CSPP1: variants seen among roughly 807,000 people sequenced by gnomAD.
CSPP1 encodes centrosome and spindle pole associated protein 1.
In CSPP1, 126 loss-of-function variants were observed where a neutral mutation model predicts 164.4. The observed-to-expected ratio is 0.77, with a 90% CI of 0.66 to 0.89. The LOEUF is 0.89. CSPP1 is among the 40% of genes least tolerant of loss of function. CSPP1 has a pLI of 0.00. For synonymous variants in CSPP1, 472 were observed against 476.7 expected, an observed-to-expected ratio of 0.99 and a Z score of 0.13; for missense variants, 1,395 against 1,449.8, an observed-to-expected ratio of 0.96 and a Z score of 0.61.
At chr8:67,153,916 C>CTT in intron 18 of CSPP1, 108 bp from the exon 19 acceptor site, 78 of 456,976 alleles carry the variant, frequency 1.7e-4, no homozygotes, top group Middle Eastern at 5.5e-4. Context: ...AATCTTTGGA[C>CTT]TTTTTTTTTT....
chr8:67,159,163 C>A (rs769110347), intron 21 of CSPP1, 26 bp downstream of exon 21: 1 of 1,585,470 alleles, frequency 6.3e-7, no homozygotes, highest in South Asian at 1.2e-5. Context: ...AAATGTCAAT[C>A]AAACCCATAG....
At chr8:67,159,238 C>A in intron 21 of CSPP1, 101 bp downstream of exon 21, 4 of 1,076,206 alleles carry the variant, frequency 3.7e-6, no homozygotes, top group Non-Finnish European at 5.4e-6. Context: ...GGAGGAGGTG[C>A]TTTTGTTCCT....
At chr8:67,113,927 G>A in intron 11 of CSPP1, 65 bp downstream of exon 11, 2 of 923,548 alleles carry the variant, frequency 2.2e-6, no homozygotes. Flanking sequence ...TGTGGTGGCA[G>A]GTGGGGATAG....
intron 4 of CSPP1, among the ~76,000 whole-genome samples, chr8:67,088,266 G>GT (rs1810820322): frequency 6.6e-6 from 1 of 151,888 alleles, no homozygotes; most frequent in Non-Finnish European, 1.5e-5. Flanking sequence ...ATGTGAAGGA[G>GT]TTTTTTAAGA....
intron 13 of CSPP1, among the ~76,000 whole-genome samples, 170 bp downstream of exon 13, chr8:67,116,292 AAAG>A (rs1345477044): frequency 2.0e-5 from 3 of 152,240 alleles, no homozygotes; most frequent in Non-Finnish European, 4.4e-5. Flanking sequence ...TATTATAAAA[AAAG>A]GGAAATTCTT....
At chr8:67,165,931 A>G (rs1041392031) in intron 24 of CSPP1, among the ~76,000 whole-genome samples, 1 of 152,240 alleles carries the variant, frequency 6.6e-6, no homozygotes, top group East Asian at 1.9e-4. Flanking sequence ...GAATTCTTCC[A>G]TAAGAAAGAC....
At chr8:67,140,637 G>A (rs1468357643) in intron 17 of CSPP1, among the ~76,000 whole-genome samples, 4 of 152,192 alleles carry the variant, frequency 2.6e-5, no homozygotes, top group Admixed American at 6.5e-5. Context: ...TAAACTACAG[G>A]TATTAAAGTG....
chr8:67,159,971 C>CTT lies in CSPP1; in HGVS notation c.2538+837_2538+838dup, dbSNP rs759945793. 4.0e-4 allele frequency among the ~76,000 whole-genome samples: 21 copies of CTT among 52,006 alleles called. 3 individuals carry two copies. Among genetic ancestry groups the CTT allele is most frequent in the Non-Finnish European group, 1.8e-4 (6 of 32,518 alleles). 34.1% of individuals were successfully genotyped at this position (52,006 alleles called of 152,430 possible). On this transcript the variant is annotated intron_variant, in intron 21 of 30. Coordinates refer to ENST00000678616, the MANE Select transcript of CSPP1 (RefSeq NM_001382391.1). ...CTTCCTTCCTTCTTTCTTTTCTTTTCTTTTCTTTTCTTTTCTTTTCTTTTC... is the reference window on the plus strand; with the variant it reads ...CTTCCTTCCTTCTTTCTTTTCTTTTCTTTTTTCTTTTCTTTTCTTTTCTTTTC...
chr8:67,070,462 C>CA (rs1211009546), intron 1 of CSPP1, among the ~76,000 whole-genome samples: 9,067 of 79,552 alleles, frequency 0.11, 736 homozygotes, highest in African/African-American at 0.27. Flanking sequence ...GACTCCATCT[C>CA]AAAAAAAAAA....
At chr8:67,072,095 C>T (rs1219619737) in intron 1 of CSPP1, among the ~76,000 whole-genome samples, 1 of 151,896 alleles carries the variant, frequency 6.6e-6, no homozygotes, top group Non-Finnish European at 1.5e-5. Context: ...ATCTTGAGAC[C>T]ATCCTGGCTA....
chr8:67,152,655 A>T (rs1296441985), intron 18 of CSPP1, among the ~76,000 whole-genome samples: 1 of 152,202 alleles, frequency 6.6e-6, no homozygotes, highest in Non-Finnish European at 1.5e-5. Flanking sequence ...ATGCTACTCA[A>T]GTTTGTTTTG....
chr8:67,149,834 A>T lies in CSPP1; in HGVS notation c.2027A>T (p.Asp676Val). Residue 676 changes from aspartate (D) to valine (V), a missense_variant, in exon 18 of 31, where the codon GAT becomes GTT. Transcript: ENST00000678616. ...RQNIDAYHNP[D>V]ARTYEDKRAV... ...AATATAGATGCCTACCATAACCCAG[A>T]TGCAAGAACATATGAAGATAAAAGG... 1 of 1,605,352 alleles carries T rather than the reference A, an allele frequency of 6.2e-7. No homozygotes were observed. The highest frequency in any genetic ancestry group is 2.3e-5 in the East Asian group (1 of 44,378).
chr8:67,195,287 C>CTGAG (rs966280866), intron 30 of CSPP1, 95 bp from the exon 31 acceptor site: 15 of 804,710 alleles, frequency 1.9e-5, no homozygotes, highest in South Asian at 1.1e-4. Flanking sequence ...TGGGGAAATG[C>CTGAG]TGAGTTGTAA....
intron 4 of CSPP1, among the ~76,000 whole-genome samples, chr8:67,091,137 A>G (rs1397336362): frequency 1.3e-5 from 2 of 152,132 alleles, no homozygotes; most frequent in Non-Finnish European, 2.9e-5. Flanking sequence ...CAGAGCAGGT[A>G]CTATTCTCAT....
At chr8:67,123,098 T>A (rs971225994) in intron 15 of CSPP1, 1 of 152,288 alleles carries the variant, frequency 6.6e-6, no homozygotes, top group Non-Finnish European at 1.5e-5. Flanking sequence ...GGTCTCCCTG[T>A]GTTGCCCAGT....
chr8:67,159,711 G>T (rs1395729823), intron 21 of CSPP1, among the ~76,000 whole-genome samples: 1 of 149,690 alleles, frequency 6.7e-6, no homozygotes. Flanking sequence ...TAGCAGAGAC[G>T]GGGTTTCACC....
intron 9 of CSPP1, 115 bp downstream of exon 9, chr8:67,106,090 G>A: frequency 1.6e-6 from 1 of 627,840 alleles, no homozygotes; most frequent in East Asian, 2.8e-5. Flanking sequence ...GAAAATATTT[G>A]TAAGTGCTTA....
At chr8:67,190,522 T>C in intron 28 of CSPP1, 128 bp from the exon 29 acceptor site, 4 of 680,952 alleles carry the variant, frequency 5.9e-6, no homozygotes, top group Non-Finnish European at 1.1e-5. Context: ...GAACTGTGTA[T>C]GTACATACAT....
intron 21 of CSPP1, among the ~76,000 whole-genome samples, chr8:67,160,888 G>A (rs2129561531): frequency 6.6e-6 from 1 of 152,128 alleles, no homozygotes; most frequent in East Asian, 1.9e-4. Flanking sequence ...GTGCAGTGGT[G>A]CAATCTCGGC....
Sources: gnomAD v4.1 joint callset for allele counts (sites outside exome capture counted in the v4.1 genomes callset) on GRCh38, gnomAD v4.1.1 for gene constraint, MANE v1.5 for transcripts, NCBI Gene and HGNC (gene_info 2026-07-23, HGNC 2026-07-21) for gene names.